Variants in EYS observed in about 807,000 individuals in gnomAD.
EYS encodes EGF-like photoreceptor maintenance factor.
Under a neutral mutation model 282.1 loss-of-function variants are expected in EYS, and 250 were observed. That is an observed-to-expected ratio of 0.89 (90% CI 0.80 to 0.98). The LOEUF (loss-of-function observed/expected upper bound fraction) is 0.98, where lower values mean the gene tolerates loss of function less well. Among genes scored for constraint, EYS ranks in the 50% least tolerant of loss-of-function variants. The pLI is 0.00. For missense variants in EYS, 4,016 were observed against 3,709.0 expected (o/e 1.08, Z -2.15); for synonymous variants, 1,355 against 1,282.9 (o/e 1.06, Z -1.20).
chr6:65,673,834 G>C (rs1768484077), intron 1 of EYS, among the ~76,000 whole-genome samples: 1 of 151,910 alleles, frequency 6.6e-6, no homozygotes, highest in Non-Finnish European at 1.5e-5. Flanking sequence ...CTGTGGGAAA[G>C]GCCTCTACCC....
rs1582145928 is a variant in EYS, at chr6:63,726,568, A to G, written c.8184T>C (p.Ala2728=). 1.3e-6 allele frequency: 2 copies of G among 1,551,460 alleles called. No individual in the cohort carries two copies. The highest frequency in any genetic ancestry group is 2.4e-5 in the South Asian group (2 of 84,052). Residue 2728 remains alanine (A), a synonymous_variant, in exon 42 of 43, where the codon GCT becomes GCC. Transcript: ENST00000503581. The part of the protein sequence containing the change: ...THIQLQFQPL[A]ADGILFYAAQ... ...CAGCATAAAATAGGATACCATCTGCAGCGAGAGGCTGAAACTGCAATTGAA... is the reference window on the plus strand; with the variant it reads ...CAGCATAAAATAGGATACCATCTGCGGCGAGAGGCTGAAACTGCAATTGAA...
At chr6:65,019,605 A>T (rs912512499) in intron 13 of EYS, among the ~76,000 whole-genome samples, 8 of 152,246 alleles carry the variant, frequency 5.3e-5, no homozygotes, top group African/African-American at 1.7e-4. Flanking sequence ...GTACCTGCCA[A>T]GCACCATATT....
chr6:65,475,824 C>T (rs1426588842), intron 5 of EYS, among the ~76,000 whole-genome samples: 1 of 151,318 alleles, frequency 6.6e-6, no homozygotes, highest in Non-Finnish European at 1.5e-5. Context: ...AGCACTTTTC[C>T]CAGCTTTCTC....
At position 64,235,865 on chromosome 6, in the gene EYS, T is replaced by C. The variant is rs181387789; in HGVS notation, c.6192-5041A>G. Among the ~76,000 whole-genome samples, 513 of 152,298 alleles carry C rather than the reference T, an allele frequency of 3.4e-3. 5 individuals are homozygous for C. The highest frequency in any genetic ancestry group is 7.7e-3 in the South Asian group (37 of 4,832). Reference sequence around the variant, plus strand: ...CAACCAAAAAGAGTCCAGGACCAGATGGACTCACAGCCGAATTCTACCAGA... The same window carrying C: ...CAACCAAAAAGAGTCCAGGACCAGACGGACTCACAGCCGAATTCTACCAGA... On this transcript the variant is annotated intron_variant, in intron 30 of 42. Coordinates refer to ENST00000503581, the MANE Select transcript of EYS (RefSeq NM_001142800.2).
chr6:64,272,164 G>A (rs748968144), intron 30 of EYS, among the ~76,000 whole-genome samples: 3 of 152,072 alleles, frequency 2.0e-5, no homozygotes, highest in Non-Finnish European at 4.4e-5. Context: ...TTGAGCCTAC[G>A]TGTGTCTTTG....
chr6:64,823,151 G>A (rs909354700), intron 19 of EYS, among the ~76,000 whole-genome samples: 4 of 151,632 alleles, frequency 2.6e-5, no homozygotes, highest in African/African-American at 9.7e-5. Context: ...AATTTTTTTT[G>A]TAATGGTCTT....
chr6:65,038,840 T>G (rs1772845934), intron 13 of EYS, among the ~76,000 whole-genome samples: 2 of 151,428 alleles, frequency 1.3e-5, no homozygotes, highest in African/African-American at 4.8e-5. Context: ...TTTACTTATC[T>G]TTCAATGAAA....
At chr6:64,940,356 T>C (rs962806634) in intron 15 of EYS, among the ~76,000 whole-genome samples, 3 of 152,010 alleles carry the variant, frequency 2.0e-5, no homozygotes, top group Admixed American at 2.0e-4. Context: ...ATACAAGTTA[T>C]CTTAAGAAAT....
chr6:63,751,607 A>G (rs141052389), intron 41 of EYS, among the ~76,000 whole-genome samples: 48 of 152,268 alleles, frequency 3.2e-4, no homozygotes, highest in Middle Eastern at 6.8e-3. Context: ...GCAGTCTGAC[A>G]AATTTTAAAT....
At chr6:65,677,175 C>G (rs1027884913) in intron 1 of EYS, among the ~76,000 whole-genome samples, 1 of 146,472 alleles carries the variant, frequency 6.8e-6, no homozygotes, top group Admixed American at 6.8e-5. Flanking sequence ...AGAATGTGCA[C>G]TCTTATCACT....
intron 15 of EYS, among the ~76,000 whole-genome samples, chr6:64,924,256 C>T (rs1395129105): frequency 6.6e-6 from 1 of 152,170 alleles, no homozygotes; most frequent in African/African-American, 2.4e-5. Context: ...AGCCACAGCC[C>T]AAGCTGTACT....
chr6:65,530,666 G>A lies in EYS; in HGVS notation c.-332-34673C>T, dbSNP rs559955771. 6.6e-4 allele frequency among the ~76,000 whole-genome samples: 100 copies of A among 151,980 alleles called. 1 individual carries two copies. The Middle Eastern group carries it at 0.01, about 16-fold the overall frequency. ...TATAATAAAATATACCTGCCATCTT[G>A]ACAAAATCATTTAGTTAACCTCAGT... is the stretch of plus-strand genomic sequence containing the variant. On this transcript the variant is annotated intron_variant, in intron 2 of 42. Transcript: ENST00000503581.
At chr6:64,017,891 A>C (rs1359893907) in intron 33 of EYS, among the ~76,000 whole-genome samples, 1 of 152,180 alleles carries the variant, frequency 6.6e-6, no homozygotes, top group Non-Finnish European at 1.5e-5. Flanking sequence ...CCTGATACAT[A>C]AAGGAACTTA....
intron 22 of EYS, among the ~76,000 whole-genome samples, chr6:64,768,634 AT>A (rs1219738007): frequency 1.3e-5 from 2 of 152,154 alleles, no homozygotes; most frequent in African/African-American, 2.4e-5. Context: ...TCTCTGATAA[AT>A]TGATAAAGAC....
At chr6:65,149,556 C>T (rs971340296) in intron 12 of EYS, among the ~76,000 whole-genome samples, 3 of 151,854 alleles carry the variant, frequency 2.0e-5, no homozygotes, top group African/African-American at 4.8e-5. Flanking sequence ...CTACCTGTTA[C>T]AAAGCTGCTT....
At chr6:64,230,954 C>G (rs1766409779) in intron 30 of EYS, 130 bp from the exon 31 acceptor site, 1 of 506,150 alleles carries the variant, frequency 2.0e-6, no homozygotes, top group Non-Finnish European at 3.5e-6. Flanking sequence ...TAACTGAGGA[C>G]AAATAAAATT....
chr6:64,935,936 ATGTTCTAT>A (rs983364398), intron 15 of EYS, among the ~76,000 whole-genome samples: 8 of 151,590 alleles, frequency 5.3e-5, no homozygotes, highest in African/African-American at 1.7e-4. Flanking sequence ...AATTCTTAAC[ATGTTCTAT>A]GTGGCTAATA....
At chr6:63,987,469 C>G (rs1401863973) in intron 34 of EYS, among the ~76,000 whole-genome samples, 1 of 151,636 alleles carries the variant, frequency 6.6e-6, no homozygotes, top group African/African-American at 2.4e-5. Context: ...ACTTTCCCAC[C>G]CTCAGCAACA....
intron 12 of EYS, among the ~76,000 whole-genome samples, chr6:65,256,271 TTTC>T (rs1278301594): frequency 7.2e-6 from 1 of 138,504 alleles, no homozygotes; most frequent in African/African-American, 3.0e-5. Context: ...TCTTTTTTTT[TTTC>T]TTTTTTTTTT....
Sources: gnomAD v4.1 joint callset for allele counts (sites outside exome capture counted in the v4.1 genomes callset) on GRCh38, gnomAD v4.1.1 for gene constraint, MANE v1.5 for transcripts, NCBI Gene and HGNC (gene_info 2026-07-23, HGNC 2026-07-21) for gene names.